The following CELF2 variants were observed in gnomAD, a reference collection of about 807,000 sequenced individuals.
CELF2 encodes CUG triplet repeat RNA-binding protein 2.
CELF2 carries 8 observed loss-of-function variants against 62.6 expected under a neutral mutation model. The observed-to-expected ratio is 0.13, with a 90% CI of 0.07 to 0.23. CELF2 has a LOEUF of 0.23. CELF2 is among the 10% of genes least tolerant of loss of function. The probability of loss-of-function intolerance (pLI) is 1.00; values close to 1 mark genes in which losing one functional copy is unlikely to be tolerated. For missense variants in CELF2, 333 were observed against 671.0 expected (o/e 0.50, Z 5.56); for synonymous variants, 258 against 250.0 (o/e 1.03, Z -0.30).
the CELF2 span, among the ~76,000 whole-genome samples, chr10:10,539,723 A>C: frequency 2.0e-5 from 3 of 152,212 alleles, no homozygotes; most frequent in Admixed American, 2.0e-4. Flanking sequence ...TTGTACCACC[A>C]GGTATTAGGA....
the CELF2 span, among the ~76,000 whole-genome samples, chr10:10,703,544 A>G: frequency 1.3e-5 from 2 of 152,202 alleles, no homozygotes; most frequent in African/African-American, 2.4e-5. Flanking sequence ...TCTACTATCA[A>G]TGGTCTGGCA....
At chr10:11,186,141 C>T (rs949774947) in intron 2 of CELF2, among the ~76,000 whole-genome samples, 2 of 152,070 alleles carry the variant, frequency 1.3e-5, no homozygotes, top group African/African-American at 4.8e-5. Flanking sequence ...TAATATCCTT[C>T]TAATGTCTTC....
chr10:10,648,923 G>A, the CELF2 span, among the ~76,000 whole-genome samples: 1 of 152,166 alleles, frequency 6.6e-6, no homozygotes, highest in Non-Finnish European at 1.5e-5. Flanking sequence ...AGATGATGCT[G>A]TCGGCTATTA....
chr10:10,690,250 C>G, the CELF2 span, among the ~76,000 whole-genome samples: 2 of 152,086 alleles, frequency 1.3e-5, no homozygotes, highest in Non-Finnish European at 2.9e-5. Context: ...ATTATGATGC[C>G]CGAATTGCAG....
intron 1 of CELF2, among the ~76,000 whole-genome samples, chr10:10,820,292 G>A (rs1264114038): frequency 1.3e-5 from 2 of 152,142 alleles, no homozygotes; most frequent in African/African-American, 2.4e-5. Flanking sequence ...TGGGTATCCT[G>A]TAGAAATCAT....
intron 1 of CELF2, among the ~76,000 whole-genome samples, chr10:10,887,024 T>C (rs934024699): frequency 3.9e-5 from 6 of 152,196 alleles, no homozygotes; most frequent in African/African-American, 1.4e-4. Context: ...CAGTTTCAAA[T>C]GGCTGCCTTG....
intron 1 of CELF2, among the ~76,000 whole-genome samples, chr10:11,059,682 A>G (rs1194186817): frequency 2.6e-5 from 4 of 152,174 alleles, no homozygotes; most frequent in Non-Finnish European, 5.9e-5. Flanking sequence ...AGCCATCAGG[A>G]CAGAGTATGG....
the CELF2 span, among the ~76,000 whole-genome samples, chr10:10,505,092 G>C: frequency 6.6e-6 from 1 of 152,010 alleles, no homozygotes; most frequent in Non-Finnish European, 1.5e-5. Context: ...TTTTTATGAT[G>C]ACTGGTTTTT....
chr10:10,486,548 A>T, the CELF2 span, among the ~76,000 whole-genome samples: 133 of 152,158 alleles, frequency 8.7e-4, 1 homozygote, highest in African/African-American at 3.0e-3. Flanking sequence ...TGTGTTTCAG[A>T]TTTTTGGCCT....
chr10:10,554,319 C>CTGTATCAGCAGAGAGCATGCGTTCAGCA, the CELF2 span, among the ~76,000 whole-genome samples: 1 of 152,128 alleles, frequency 6.6e-6, no homozygotes, highest in East Asian at 1.9e-4. Context: ...GGTATGCCTC[C>CTGTATCAGCAGAGAGCATGCGTTCAGCA]TGTATCAGCA....
chr10:11,068,645 C>G (rs2068816638), intron 1 of CELF2, among the ~76,000 whole-genome samples: 1 of 151,702 alleles, frequency 6.6e-6, no homozygotes, highest in South Asian at 2.1e-4. Context: ...ACTGCAAGTT[C>G]TGCTTCCTGG....
chr10:10,578,068 G>A, the CELF2 span, among the ~76,000 whole-genome samples: 3 of 152,260 alleles, frequency 2.0e-5, no homozygotes, highest in African/African-American at 7.2e-5. Flanking sequence ...GGTGTGAGAT[G>A]GTATCTCATT....
chr10:10,547,692 AGT>A, the CELF2 span, among the ~76,000 whole-genome samples: 1,806 of 137,798 alleles, frequency 0.013, 17 homozygotes, highest in South Asian at 0.044. Context: ...AGAGAGAGAG[AGT>A]GTGTGTGTGT....
chr10:10,782,962 A>G, the CELF2 span, among the ~76,000 whole-genome samples: 1 of 152,192 alleles, frequency 6.6e-6, no homozygotes, highest in African/African-American at 2.4e-5. Context: ...TTCTGACTAT[A>G]AATGTATTTA....
At chr10:10,514,276 C>T in the CELF2 span, among the ~76,000 whole-genome samples, 5 of 152,092 alleles carry the variant, frequency 3.3e-5, no homozygotes, top group South Asian at 6.2e-4. Context: ...GAAAGTAGCT[C>T]GTTATACTAA....
chr10:10,742,874 C>T, the CELF2 span, among the ~76,000 whole-genome samples: 1 of 152,182 alleles, frequency 6.6e-6, no homozygotes. Context: ...AGAGTGGCAT[C>T]TTCATGAGAA....
At chr10:11,149,739 A>G (rs598316) in intron 1 of CELF2, among the ~76,000 whole-genome samples, 24,027 of 152,174 alleles carry the variant, frequency 0.16, 3,242 homozygotes, top group East Asian at 0.69. Flanking sequence ...TTGGGTTGCT[A>G]ACGAAACCTC....
intron 1 of CELF2, among the ~76,000 whole-genome samples, chr10:11,062,289 G>A (rs1016976413): frequency 6.6e-6 from 1 of 152,230 alleles, no homozygotes; most frequent in Admixed American, 6.5e-5. Context: ...GCAGCCCATG[G>A]AGAGGAAGTA....
At chr10:10,703,636 G>T in the CELF2 span, among the ~76,000 whole-genome samples, 1 of 152,226 alleles carries the variant, frequency 6.6e-6, no homozygotes, top group Non-Finnish European at 1.5e-5. Flanking sequence ...TGGTTCTAAT[G>T]TACAGCTAGG....
Sources: allele counts gnomAD v4.1 joint callset (sites outside exome capture counted in the v4.1 genomes callset), GRCh38; gene constraint gnomAD v4.1.1; transcripts MANE v1.5; gene names NCBI Gene and HGNC (gene_info 2026-07-23, HGNC 2026-07-21).